ABHD17B: variants seen among roughly 807,000 people sequenced by gnomAD.
The protein encoded by ABHD17B is abhydrolase domain containing 17B, depalmitoylase.
Under a neutral mutation model 26.2 loss-of-function variants are expected in ABHD17B, and 9 were observed. The ratio of observed to expected loss-of-function variants is 0.34; its 90% CI spans 0.21 to 0.60. The LOEUF is 0.60. Among genes scored for constraint, ABHD17B ranks in the 20% least tolerant of loss-of-function variants. The pLI, the probability that ABHD17B is intolerant of heterozygous loss-of-function variation, is 0.80. For missense variants in ABHD17B, 224 were observed against 352.1 expected (o/e 0.64, Z 2.91); for synonymous variants, 127 against 122.3 (o/e 1.04, Z -0.25).
chr9:71,872,336 T>C lies in ABHD17B; in HGVS notation c.468-2074A>G, dbSNP rs369847252. Among the ~76,000 whole-genome samples the C allele has an allele frequency of 1.1e-3, 169 of 152,346 alleles. 2 individuals are homozygous for C. The highest frequency in any genetic ancestry group is 3.9e-3 in the African/African-American group (164 of 41,586). On this transcript the variant is annotated intron_variant, in intron 2 of 3. Transcript: ENST00000333421. ...AAATCTGCCCATTCCTGATTAACACTGGCTATCAAATATGTTAAAAAAATT... is the reference window on the plus strand; with the variant it reads ...AAATCTGCCCATTCCTGATTAACACCGGCTATCAAATATGTTAAAAAAATT...
Position 71,866,765 on chromosome 9 carries a change from A to G in ABHD17B, c.*22T>C, listed in dbSNP as rs1303108326. 14 of 1,612,836 alleles carry G rather than the reference A, an allele frequency of 8.7e-6. No homozygotes were observed. The highest frequency in any genetic ancestry group is 1.3e-5 in the African/African-American group (1 of 74,900). Reference sequence around the variant, plus strand: ...GCAGTTCAGCAAGAAAGGAAAACCCAGTAGCAAATTTACAGAATATTTTAC... The same window carrying G: ...GCAGTTCAGCAAGAAAGGAAAACCCGGTAGCAAATTTACAGAATATTTTAC... On this transcript the variant is annotated 3_prime_UTR_variant, in exon 4 of 4. Coordinates refer to ENST00000333421, the MANE Select transcript of ABHD17B (RefSeq NM_001025780.3).
At chr9:71,902,220 C>A (rs1827164709) in intron 1 of ABHD17B, among the ~76,000 whole-genome samples, 1 of 152,158 alleles carries the variant, frequency 6.6e-6, no homozygotes. Flanking sequence ...CGTGCCCATG[C>A]TGATTAATTT....
At chr9:71,892,384 T>A (rs941737247) in intron 1 of ABHD17B, among the ~76,000 whole-genome samples, 1 of 151,594 alleles carries the variant, frequency 6.6e-6, no homozygotes, top group African/African-American at 2.4e-5. Context: ...TACAAAAAAA[T>A]TAGCCAGGCG....
rs1825922932 is a variant in ABHD17B, at chr9:71,865,308, T to A, written c.*1479A>T. On this transcript the variant is annotated 3_prime_UTR_variant, in exon 4 of 4. Coordinates refer to ENST00000333421, the MANE Select transcript of ABHD17B (RefSeq NM_001025780.3). ...AAACTACATAAGGCCTTAAAATATA[T>A]CCACAGTGTGTATTATTTCCATATT... 1.0e-6 allele frequency: 1 copy of A among 985,408 alleles called. No homozygotes were observed. Among genetic ancestry groups the A allele is most frequent in the Non-Finnish European group, 1.2e-6 (1 of 829,644 alleles). 61.0% of individuals were successfully genotyped at this position (985,408 alleles called of 1,614,324 possible).
chr9:71,909,412 G>C (rs1423381958), intron 1 of ABHD17B, among the ~76,000 whole-genome samples: 1 of 152,126 alleles, frequency 6.6e-6, no homozygotes, highest in East Asian at 1.9e-4. Context: ...TAGAATACTA[G>C]CAATCATGAC....
At chr9:71,909,865 T>G (rs894338984) in intron 1 of ABHD17B, among the ~76,000 whole-genome samples, 84 of 151,524 alleles carry the variant, frequency 5.5e-4, no homozygotes, top group Non-Finnish European at 1.2e-4. Flanking sequence ...AGATCAAAGA[T>G]CTGAACTTTT....
intron 1 of ABHD17B, among the ~76,000 whole-genome samples, chr9:71,897,560 A>C (rs138821736): frequency 1.1e-4 from 17 of 152,330 alleles, no homozygotes; most frequent in Non-Finnish European, 2.2e-4. Flanking sequence ...TCTTGCAAAG[A>C]ATTTATTTCC....
At chr9:71,873,028 T>C (rs997760789) in intron 2 of ABHD17B, among the ~76,000 whole-genome samples, 3 of 151,980 alleles carry the variant, frequency 2.0e-5, no homozygotes, top group African/African-American at 7.2e-5. Flanking sequence ...TAATATTAAC[T>C]ACTTTATTAT....
At chr9:71,893,734 C>G (rs868296535) in intron 1 of ABHD17B, among the ~76,000 whole-genome samples, 10 of 152,290 alleles carry the variant, frequency 6.6e-5, no homozygotes, top group African/African-American at 2.4e-4. Context: ...TTCTGGGTAA[C>G]TAACATCCAT....
Position 71,903,577 on chromosome 9 carries a change from G to A in ABHD17B, c.-4+7057C>T, listed in dbSNP as rs111657847. Among the ~76,000 whole-genome samples the A allele has an allele frequency of 3.7e-3, 570 of 152,240 alleles. 3 individuals carry two copies. Among genetic ancestry groups the A allele is most frequent in the Middle Eastern group, 0.014 (4 of 294 alleles). Reference sequence around the variant, plus strand: ...TATGGTAATTAATGGGCTAATACCTGTAATATAATCTGAAGCTCTAGCATA... The same window carrying A: ...TATGGTAATTAATGGGCTAATACCTATAATATAATCTGAAGCTCTAGCATA... On this transcript the variant is annotated intron_variant, in intron 1 of 3. Coordinates refer to ENST00000333421, the MANE Select transcript of ABHD17B (RefSeq NM_001025780.3).
chr9:71,886,196 T>C (rs1456300690), intron 1 of ABHD17B, among the ~76,000 whole-genome samples: 3 of 152,200 alleles, frequency 2.0e-5, no homozygotes, highest in Admixed American at 1.3e-4. Flanking sequence ...CTCTGAGTGT[T>C]ATGGTTTTTA....
At position 71,865,479 on chromosome 9, in the gene ABHD17B, T is replaced by A. The variant is rs1825931366; in HGVS notation, c.*1308A>T. The A allele has an allele frequency of 4.1e-6, 4 of 983,692 alleles. No individual in the cohort carries two copies. The highest frequency in any genetic ancestry group is 4.8e-6 in the Non-Finnish European group (4 of 828,312). The allele number at this position is 983,692 out of a possible 1,614,324, so 60.9% of individuals were successfully genotyped here. A position where few individuals can be genotyped will look rare whatever the true frequency, so the allele number is the denominator to read the frequency against. On this transcript the variant is annotated 3_prime_UTR_variant, in exon 4 of 4. Transcript: ENST00000333421. ...TTACTATATTGGTTAATATAAAAGT[T>A]ATGAATTAAACGTATTCTTATCTCC...
chr9:71,862,477 T>C (rs1380629916), downstream of ABHD17B: 5 of 1,310,296 alleles, frequency 3.8e-6, no homozygotes, highest in Non-Finnish European at 2.0e-6. Flanking sequence ...GTTTATGTCA[T>C]ATAATTTGAA....
intron 1 of ABHD17B, among the ~76,000 whole-genome samples, chr9:71,892,805 A>G (rs1279551770): frequency 6.6e-6 from 1 of 151,998 alleles, no homozygotes; most frequent in African/African-American, 2.4e-5. Flanking sequence ...TTATGGTAAA[A>G]TATAGATAAA....
chr9:71,892,458 G>A (rs1008533757), intron 1 of ABHD17B, among the ~76,000 whole-genome samples: 11 of 151,836 alleles, frequency 7.2e-5, no homozygotes, highest in African/African-American at 1.5e-4. Context: ...GCATGAACCC[G>A]GGAGGTGGAG....
At position 71,893,392 on chromosome 9, in the gene ABHD17B, C is replaced by T. The variant is rs1419318006; in HGVS notation, c.-4+17242G>A. On this transcript the variant is annotated intron_variant, in intron 1 of 3. Transcript: ENST00000333421. Reference sequence around the variant, plus strand: ...AACTGGCTATAAATTGGGGTTCCCACAACCTCTTACTCCAGTCTGATTAAT... The same window carrying T: ...AACTGGCTATAAATTGGGGTTCCCATAACCTCTTACTCCAGTCTGATTAAT... Among the ~76,000 whole-genome samples, 4 of 151,962 alleles carry T rather than the reference C, an allele frequency of 2.6e-5. No individual in the cohort carries two copies. The East Asian group carries it at 5.8e-4, about 22-fold the overall frequency.
At chr9:71,891,172 A>G (rs1245820958) in intron 1 of ABHD17B, among the ~76,000 whole-genome samples, 1 of 152,108 alleles carries the variant, frequency 6.6e-6, no homozygotes, top group Non-Finnish European at 1.5e-5. Context: ...ATTGGTCCAC[A>G]TTTTCTAGTA....
chr9:71,869,545 G>A (rs1826052236), intron 3 of ABHD17B, among the ~76,000 whole-genome samples: 2 of 152,254 alleles, frequency 1.3e-5, no homozygotes, highest in Admixed American at 1.3e-4. Flanking sequence ...ATCTAAGTAT[G>A]TTTGCAGGTT....
In ABHD17B at chr9:71,876,720, GA is replaced by G. The variant is rs139129707; in HGVS notation, c.-3-1638del. On this transcript the variant is annotated intron_variant, in intron 1 of 3. Coordinates refer to ENST00000333421, the MANE Select transcript of ABHD17B (RefSeq NM_001025780.3). Reference sequence around the variant, plus strand: ...ACTAAATGGTTGAGAATATCTGGGGGAAAAAATGCCCTTTTCACTCAATACA... The same window carrying G: ...ACTAAATGGTTGAGAATATCTGGGGGAAAAATGCCCTTTTCACTCAATACA... 6.4e-3 allele frequency among the ~76,000 whole-genome samples: 979 copies of G among 152,020 alleles called. 11 individuals are homozygous for G. The highest frequency in any genetic ancestry group is 0.022 in the African/African-American group (916 of 41,454).
Sources: gnomAD v4.1 joint callset for allele counts (sites outside exome capture counted in the v4.1 genomes callset) on GRCh38, gnomAD v4.1.1 for gene constraint, MANE v1.5 for transcripts, NCBI Gene and HGNC (gene_info 2026-07-23, HGNC 2026-07-21) for gene names.